Variants in DDX60L observed in about 807,000 individuals in gnomAD.
The protein encoded by DDX60L is DExD/H-box 60 like.
A neutral mutation model predicts 211.6 loss-of-function variants in DDX60L; 191 were observed. The ratio of observed to expected loss-of-function variants is 0.90; its 90% confidence interval spans 0.80 to 1.02. The LOEUF is 1.02. Ranked by LOEUF, DDX60L falls within the 50% of genes least tolerant of loss-of-function variation. The probability of loss-of-function intolerance (pLI) is 0.00; values close to 1 mark genes in which losing one functional copy is unlikely to be tolerated. For synonymous variants in DDX60L, 706 were observed against 694.1 expected, an observed-to-expected ratio of 1.02 and a Z score of -0.27; for missense variants, 2,007 against 1,984.1, an observed-to-expected ratio of 1.01 and a Z score of -0.22.
chr4:168,443,478 T>C (rs376949204), intron 9 of DDX60L, among the ~76,000 whole-genome samples: 9,617 of 150,474 alleles, frequency 0.064, 1,028 homozygotes, highest in African/African-American at 0.22. Context: ...GGAGAACTTC[T>C]CCAATCTAGC....
rs370320661 is a variant in DDX60L at position 168,358,753 on chromosome 4, C to T, written c.4992-477G>A. On this transcript the variant is annotated intron_variant, in intron 37 of 37. Transcript: ENST00000682922. ...CAGGCTGGTCTTGAACTCCTGACCT[C>T]GTGATCCACCCGCCTCGGCCTCTCA... Among the ~76,000 whole-genome samples the T allele has an allele frequency of 6.3e-4, 96 of 151,986 alleles. 2 individuals are homozygous for T. In the South Asian group the frequency reaches 0.015, roughly 23 times the overall value.
At chr4:168,408,601 A>C (rs1307605160) in intron 22 of DDX60L, among the ~76,000 whole-genome samples, 1 of 150,980 alleles carries the variant, frequency 6.6e-6, no homozygotes, top group Non-Finnish European at 1.5e-5. Context: ...ATCATACCAC[A>C]ATGCTCCTTT....
At chr4:168,374,043 A>G (rs934600104) in intron 34 of DDX60L, among the ~76,000 whole-genome samples, 2 of 152,024 alleles carry the variant, frequency 1.3e-5, no homozygotes, top group African/African-American at 4.8e-5. Context: ...ATTTTTGCCT[A>G]TGAACTCAGA....
intron 4 of DDX60L, among the ~76,000 whole-genome samples, chr4:168,467,462 TG>T (rs1758153162): frequency 9.5e-6 from 1 of 105,378 alleles, no homozygotes; most frequent in Non-Finnish European, 1.9e-5. Context: ...AAAAAAAAAA[TG>T]AAAGAAGGAG....
At chr4:168,385,919 C>G (rs1408358712) in intron 29 of DDX60L, among the ~76,000 whole-genome samples, 1 of 151,818 alleles carries the variant, frequency 6.6e-6, no homozygotes. Context: ...CATATACCCC[C>G]ACTCTTTCTC....
At chr4:168,462,505 C>G (rs1216343473) in intron 4 of DDX60L, among the ~76,000 whole-genome samples, 1 of 151,724 alleles carries the variant, frequency 6.6e-6, no homozygotes, top group Non-Finnish European at 1.5e-5. Context: ...AGGACATAAA[C>G]AGACACTTTT....
chr4:168,389,007 G>C lies in DDX60L; in HGVS notation c.3915+2533C>G, dbSNP rs916174608. 2.0e-5 allele frequency among the ~76,000 whole-genome samples: 3 copies of C among 152,174 alleles called. No homozygotes were observed. In the East Asian group the frequency reaches 5.8e-4, roughly 29 times the overall value. ...GGCAGTGAATGTGTTTTTGCTTATG[G>C]GAAAGAAGTGACTCATTGGGACCCA... On this transcript the variant is annotated intron_variant, in intron 29 of 37. Transcript: ENST00000682922.
chr4:168,439,823 C>G (rs1201397847), intron 10 of DDX60L, among the ~76,000 whole-genome samples: 1 of 152,136 alleles, frequency 6.6e-6, no homozygotes, highest in Non-Finnish European at 1.5e-5. Flanking sequence ...CAAGGATAAA[C>G]TTATGAAAGA....
At chr4:168,379,222 T>C (rs1209703348) in intron 32 of DDX60L, 141 bp downstream of exon 32, 1 of 661,960 alleles carries the variant, frequency 1.5e-6, no homozygotes, top group African/African-American at 1.9e-5. Context: ...TTTTTTGGCA[T>C]CTGTAAATCT....
At chr4:168,381,418 T>C (rs1742932927) in intron 30 of DDX60L, among the ~76,000 whole-genome samples, 1 of 152,018 alleles carries the variant, frequency 6.6e-6, no homozygotes, top group Non-Finnish European at 1.5e-5. Context: ...GGACTACAGG[T>C]ATATGCCACC....
chr4:168,478,830 G>A (rs1019941406), intron 1 of DDX60L, among the ~76,000 whole-genome samples: 1 of 152,180 alleles, frequency 6.6e-6, no homozygotes. Flanking sequence ...GAGTGGTAAC[G>A]CCTCAGGAGA....
intron 14 of DDX60L, among the ~76,000 whole-genome samples, chr4:168,424,233 G>T (rs1751118025): frequency 6.6e-6 from 1 of 152,176 alleles, no homozygotes; most frequent in African/African-American, 2.4e-5. Context: ...TACAGTACTT[G>T]TATTTATGAA....
intron 10 of DDX60L, among the ~76,000 whole-genome samples, chr4:168,439,562 T>C (rs892806210): frequency 6.6e-6 from 1 of 152,194 alleles, no homozygotes; most frequent in Non-Finnish European, 1.5e-5. Context: ...GTTCTGTGTA[T>C]CTGGTAGAAA....
At position 168,461,807 on chromosome 4, in the gene DDX60L, C is replaced by G; in HGVS notation, c.498G>C (p.Trp166Cys). ...YLFNFLIIHS[W>C]GMKVNVVLSS... Reference sequence around the variant, plus strand: ...AAAGCACAACATTGACTTTCATTCCCCAGGAATGTATGATTAGGAAGTTAA... The same window carrying G: ...AAAGCACAACATTGACTTTCATTCCGCAGGAATGTATGATTAGGAAGTTAA... Residue 166 changes from tryptophan to cysteine, a missense_variant, in exon 5 of 38, where the codon TGG becomes TGC. Physicochemically the swap from Trp to Cys is radical, Grantham distance 215. Coordinates refer to ENST00000682922, the MANE Select transcript of DDX60L (RefSeq NM_001012967.3). 1 of 1,606,114 alleles carries G rather than the reference C, an allele frequency of 6.2e-7. No homozygotes were observed. Among genetic ancestry groups the G allele is most frequent in the East Asian group, 2.2e-5 (1 of 44,770 alleles).
intron 9 of DDX60L, among the ~76,000 whole-genome samples, chr4:168,446,903 C>T (rs1430391967): frequency 1.9e-5 from 2 of 107,514 alleles, no homozygotes; most frequent in Non-Finnish European, 3.8e-5. Context: ...AAGACTTAAA[C>T]GTTAGACCTA....
chr4:168,399,477 T>C (rs1047865869), intron 26 of DDX60L, among the ~76,000 whole-genome samples: 3 of 152,194 alleles, frequency 2.0e-5, no homozygotes, highest in Non-Finnish European at 4.4e-5. Context: ...GCAGCTAGCA[T>C]GCCTGGCTGT....
intron 35 of DDX60L, among the ~76,000 whole-genome samples, chr4:168,373,380 G>A (rs748897116): frequency 2.6e-5 from 4 of 152,070 alleles, no homozygotes; most frequent in Non-Finnish European, 4.4e-5. Flanking sequence ...AATGTGAGCC[G>A]CTTTCTTTTC....
intron 29 of DDX60L, among the ~76,000 whole-genome samples, chr4:168,388,484 C>T (rs779695273): frequency 6.6e-6 from 1 of 152,224 alleles, no homozygotes; most frequent in Non-Finnish European, 1.5e-5. Flanking sequence ...AGCTGGCATT[C>T]ATTGAGCACT....
chr4:168,459,629 G>A (rs1757036432), intron 5 of DDX60L, among the ~76,000 whole-genome samples: 1 of 152,074 alleles, frequency 6.6e-6, no homozygotes, highest in Admixed American at 6.6e-5. Flanking sequence ...GCAGGCACCT[G>A]TAATCCCAGC....
Sources: allele counts gnomAD v4.1 joint callset (sites outside exome capture counted in the v4.1 genomes callset), GRCh38; gene constraint gnomAD v4.1.1; transcripts MANE v1.5; gene names NCBI Gene and HGNC (gene_info 2026-07-23, HGNC 2026-07-21).